PTPRD: variants seen among roughly 807,000 people sequenced by gnomAD.
The protein encoded by PTPRD is receptor-type tyrosine-protein phosphatase delta.
PTPRD carries 34 observed loss-of-function variants against 214.5 expected under a neutral mutation model. The observed-to-expected ratio is 0.16, with a 90% CI of 0.12 to 0.21. PTPRD has a LOEUF of 0.21. Among genes scored for constraint, PTPRD ranks in the 10% least tolerant of loss-of-function variants. The probability of loss-of-function intolerance (pLI) is 1.00; values close to 1 mark genes in which losing one functional copy is unlikely to be tolerated. For synonymous variants in PTPRD, 1,128 were observed against 845.7 expected (o/e 1.33, Z -5.79); for missense variants, 2,545 against 2,398.7 (o/e 1.06, Z -1.27).
At chr9:9,394,412 A>G (rs2066981501) in intron 9 of PTPRD, among the ~76,000 whole-genome samples, 1 of 152,192 alleles carries the variant, frequency 6.6e-6, no homozygotes, top group Admixed American at 6.6e-5. Flanking sequence ...TGTTTGTTGA[A>G]TACATGGATC....
intron 11 of PTPRD, among the ~76,000 whole-genome samples, chr9:8,769,771 G>C (rs1006952534): frequency 4.0e-5 from 6 of 150,954 alleles, no homozygotes; most frequent in African/African-American, 1.2e-4. Flanking sequence ...GGGAGGGAGA[G>C]TTTTTGCTTG....
chr9:8,726,366 A>T (rs1441479010), intron 12 of PTPRD, among the ~76,000 whole-genome samples: 7 of 151,348 alleles, frequency 4.6e-5, no homozygotes, highest in African/African-American at 1.5e-4. Context: ...AGGCTGGCAG[A>T]TCACTTGAGC....
chr9:8,895,305 G>A (rs762181982), intron 11 of PTPRD, among the ~76,000 whole-genome samples: 1 of 151,386 alleles, frequency 6.6e-6, no homozygotes. Context: ...AGAGGGTCTG[G>A]CATTCTCTAT....
At chr9:9,287,211 C>G (rs541791762) in intron 9 of PTPRD, among the ~76,000 whole-genome samples, 1 of 151,532 alleles carries the variant, frequency 6.6e-6, no homozygotes, top group Admixed American at 6.6e-5. Context: ...GGCAACAGAA[C>G]AAGACTCTGT....
At chr9:9,475,939 A>G (rs764104187) in intron 8 of PTPRD, among the ~76,000 whole-genome samples, 11 of 152,178 alleles carry the variant, frequency 7.2e-5, no homozygotes, top group Non-Finnish European at 8.8e-5. Flanking sequence ...CATTGTAGGG[A>G]TTATCATCAC....
intron 11 of PTPRD, among the ~76,000 whole-genome samples, chr9:8,839,316 A>G (rs951491109): frequency 1.3e-5 from 2 of 151,296 alleles, no homozygotes; most frequent in African/African-American, 4.9e-5. Context: ...TTATTTATTT[A>G]TTTATTTATT....
chr9:9,837,775 A>G (rs2057205863), intron 5 of PTPRD, among the ~76,000 whole-genome samples: 1 of 150,380 alleles, frequency 6.6e-6, no homozygotes, highest in Admixed American at 6.6e-5. Context: ...CTTTTATTTT[A>G]TTATTATTAT....
intron 11 of PTPRD, among the ~76,000 whole-genome samples, chr9:8,803,778 G>C (rs1030876124): frequency 2.6e-5 from 4 of 151,738 alleles, no homozygotes; most frequent in Middle Eastern, 3.4e-3. Context: ...AATCATGTTT[G>C]GTAGTCCTAT....
intron 21 of PTPRD, 132 bp downstream of exon 21, chr9:8,517,716 C>T (rs2097807710): frequency 1.4e-6 from 1 of 716,236 alleles, no homozygotes; most frequent in East Asian, 2.7e-5. Context: ...TATCTATCAT[C>T]TGTTGCTTTG....
chr9:8,442,384 A>G (rs2095576389), intron 34 of PTPRD, among the ~76,000 whole-genome samples: 4 of 151,690 alleles, frequency 2.6e-5, no homozygotes, highest in Admixed American at 2.6e-4. Flanking sequence ...TAGGCACTAT[A>G]TAACTATTCT....
intron 4 of PTPRD, among the ~76,000 whole-genome samples, chr9:9,954,835 G>T (rs1419143597): frequency 6.6e-6 from 1 of 151,990 alleles, no homozygotes; most frequent in African/African-American, 2.4e-5. Flanking sequence ...CCTTCAAATG[G>T]CTATATTGAT....
intron 3 of PTPRD, among the ~76,000 whole-genome samples, chr9:10,267,782 C>T (rs1399034118): frequency 6.6e-6 from 1 of 151,882 alleles, no homozygotes; most frequent in African/African-American, 2.4e-5. Flanking sequence ...GGAAGACCAA[C>T]AATAAGAAAA....
At chr9:9,344,950 T>A (rs1407869064) in intron 9 of PTPRD, among the ~76,000 whole-genome samples, 3 of 152,100 alleles carry the variant, frequency 2.0e-5, no homozygotes, top group African/African-American at 7.2e-5. Flanking sequence ...AAATGTTACT[T>A]TGTTACTAAT....
chr9:9,210,948 T>A (rs1327247667), intron 9 of PTPRD, among the ~76,000 whole-genome samples: 1 of 152,018 alleles, frequency 6.6e-6, no homozygotes, highest in Admixed American at 6.5e-5. Context: ...TTATTTTTAT[T>A]TTTCTGAAAT....
At chr9:10,172,092 C>A (rs1415051714) in intron 3 of PTPRD, among the ~76,000 whole-genome samples, 2 of 152,004 alleles carry the variant, frequency 1.3e-5, no homozygotes, top group African/African-American at 2.4e-5. Context: ...CACTGAATAC[C>A]AAATACACAT....
intron 6 of PTPRD, among the ~76,000 whole-genome samples, chr9:9,735,088 T>G (rs2098270216): frequency 6.6e-6 from 1 of 152,142 alleles, no homozygotes; most frequent in Non-Finnish European, 1.5e-5. Flanking sequence ...GGCTTTTAAT[T>G]TTTAAATGAT....
intron 11 of PTPRD, among the ~76,000 whole-genome samples, chr9:8,869,520 A>G (rs1470746098): frequency 6.6e-6 from 1 of 152,140 alleles, no homozygotes; most frequent in Non-Finnish European, 1.5e-5. Context: ...CAGACCCTGA[A>G]TCAGAAACTC....
At chr9:8,885,657 C>T (rs566969181) in intron 11 of PTPRD, among the ~76,000 whole-genome samples, 14 of 151,850 alleles carry the variant, frequency 9.2e-5, no homozygotes, top group Admixed American at 2.6e-4. Flanking sequence ...CCACCACACC[C>T]GGTTAATTTT....
At chr9:9,197,449 C>T (rs780191661) in intron 9 of PTPRD, among the ~76,000 whole-genome samples, 2 of 152,014 alleles carry the variant, frequency 1.3e-5, no homozygotes, top group Non-Finnish European at 2.9e-5. Context: ...CTCACTCTGT[C>T]GCCCAGACTG....
Sources: gnomAD v4.1 joint callset for allele counts (sites outside exome capture counted in the v4.1 genomes callset) on GRCh38, gnomAD v4.1.1 for gene constraint, MANE v1.5 for transcripts, NCBI Gene and HGNC (gene_info 2026-07-23, HGNC 2026-07-21) for gene names.